FBXW8: variants seen among roughly 807,000 people sequenced by gnomAD.
FBXW8 encodes F-box/WD repeat-containing protein 8.
A neutral mutation model predicts 65.3 loss-of-function variants in FBXW8; 57 were observed. That is an observed-to-expected ratio of 0.87 (90% CI 0.71 to 1.09). The LOEUF is 1.09. Among genes scored for constraint, FBXW8 ranks in the 50% least tolerant of loss-of-function variants. FBXW8 has a pLI of 0.00. For synonymous variants in FBXW8, 308 were observed against 330.2 expected (o/e 0.93, Z 0.73); for missense variants, 777 against 814.8 (o/e 0.95, Z 0.57).
chr12:117,008,023 T>G (rs1953720487), intron 7 of FBXW8, among the ~76,000 whole-genome samples: 1 of 152,214 alleles, frequency 6.6e-6, no homozygotes, highest in Non-Finnish European at 1.5e-5. Flanking sequence ...GACTACTAAC[T>G]TAGATGTCTT....
At chr12:116,952,516 C>A (rs1209910698) in intron 4 of FBXW8, among the ~76,000 whole-genome samples, 1 of 152,168 alleles carries the variant, frequency 6.6e-6, no homozygotes, top group African/African-American at 2.4e-5. Context: ...TGTCTCCTCC[C>A]AGAGATTTCT....
At chr12:117,027,542 G>A (rs1954262743) in intron 10 of FBXW8, 38 bp downstream of exon 10, 2 of 1,517,122 alleles carry the variant, frequency 1.3e-6, no homozygotes, top group Admixed American at 1.7e-5. Context: ...GACCATCTTA[G>A]TTTGACTGAT....
intron 1 of FBXW8, among the ~76,000 whole-genome samples, chr12:116,927,735 A>G (rs180950846): frequency 5.3e-5 from 8 of 152,324 alleles, no homozygotes; most frequent in African/African-American, 1.7e-4. Context: ...GCTGGAAGAT[A>G]GCACCCCTGC....
chr12:116,920,389 C>T (rs1157689642), intron 1 of FBXW8, among the ~76,000 whole-genome samples: 2 of 152,190 alleles, frequency 1.3e-5, no homozygotes, highest in Non-Finnish European at 2.9e-5. Flanking sequence ...CTGTTCCAGG[C>T]ACTGAGAATA....
At chr12:117,016,499 T>TA (rs1350226228) in intron 8 of FBXW8, among the ~76,000 whole-genome samples, 1 of 152,190 alleles carries the variant, frequency 6.6e-6, no homozygotes, top group Non-Finnish European at 1.5e-5. Context: ...AGTATTTTTT[T>TA]AATATAGCCC....
At chr12:116,965,889 G>C (rs561935783) in intron 5 of FBXW8, among the ~76,000 whole-genome samples, 1 of 151,070 alleles carries the variant, frequency 6.6e-6, no homozygotes, top group African/African-American at 2.4e-5. Context: ...CTCCTGAGTA[G>C]CTGGGACTAC....
intron 8 of FBXW8, among the ~76,000 whole-genome samples, chr12:117,017,587 T>C (rs181111889): frequency 2.0e-3 from 310 of 152,330 alleles, no homozygotes; most frequent in Admixed American, 3.5e-3. Flanking sequence ...AAATCCTCTT[T>C]AATATTTAAT....
chr12:117,005,226 T>C (rs1342157235), intron 7 of FBXW8, among the ~76,000 whole-genome samples: 3 of 152,182 alleles, frequency 2.0e-5, no homozygotes, highest in African/African-American at 7.2e-5. Context: ...AAGCAACATC[T>C]GAGTATCTTT....
chr12:116,988,550 C>T (rs1191254259), intron 6 of FBXW8, 113 bp from the exon 7 acceptor site: 1 of 872,632 alleles, frequency 1.1e-6, no homozygotes, highest in Non-Finnish European at 1.9e-6. Flanking sequence ...TTTCATTTGC[C>T]CATCTTTTTC....
intron 6 of FBXW8, among the ~76,000 whole-genome samples, chr12:116,988,045 G>C (rs962212366): frequency 5.3e-5 from 8 of 152,156 alleles, no homozygotes; most frequent in Non-Finnish European, 1.0e-4. Context: ...TTCCCTCTAG[G>C]ACTGCATGGT....
chr12:116,965,810 G>A (rs1884284210), intron 5 of FBXW8, among the ~76,000 whole-genome samples: 2 of 152,238 alleles, frequency 1.3e-5, no homozygotes, highest in Admixed American at 6.5e-5. Flanking sequence ...CCTGGCTAGA[G>A]TGCAGTGGCA....
At chr12:116,913,320 T>C (rs1419617834) in intron 1 of FBXW8, among the ~76,000 whole-genome samples, 1 of 152,208 alleles carries the variant, frequency 6.6e-6, no homozygotes, top group African/African-American at 2.4e-5. Context: ...ACAGTTGACC[T>C]TTGAACAACC....
chr12:117,019,643 T>C (rs895736607), intron 8 of FBXW8, among the ~76,000 whole-genome samples: 1 of 152,172 alleles, frequency 6.6e-6, no homozygotes, highest in Non-Finnish European at 1.5e-5. Flanking sequence ...ACCGAACATA[T>C]GTATGGGAGT....
At chr12:117,000,824 G>T (rs1210701721) in intron 7 of FBXW8, among the ~76,000 whole-genome samples, 3 of 152,250 alleles carry the variant, frequency 2.0e-5, no homozygotes, top group Non-Finnish European at 4.4e-5. Flanking sequence ...GCATGTAAGA[G>T]AATATTATAA....
chr12:116,911,159 T>C lies in FBXW8; in HGVS notation c.122T>C (p.Val41Ala), dbSNP rs1038239071. The C allele has an allele frequency of 1.5e-6, 2 of 1,335,814 alleles. No individual in the cohort carries two copies. Among genetic ancestry groups the C allele is most frequent in the Admixed American group, 4.1e-5 (1 of 24,186 alleles). The allele number at this position is 1,335,814 out of a possible 1,614,324, so 82.7% of individuals were successfully genotyped here. The change falls in exon 1 of 11, where the codon GTG becomes GCG. Residue 41 changes from valine (V) to alanine (A), a missense_variant. Physicochemically the swap from Val to Ala is moderately conservative, Grantham distance 64. Transcript: ENST00000652555. The stretch of plus-strand genomic sequence containing the variant: ...GAGAGGCGGGCTCGGCGGCCGGAGG[T>C]GGGCTCCGGGCGCGGCGAACAGGCC... ...AAERRARRPE[V>A]GSGRGEQASG...
In FBXW8 at chr12:116,911,153, C is replaced by A; in HGVS notation, c.116C>A (p.Pro39Gln). ...GCTGCCGAGAGGCGGGCTCGGCGGC[C>A]GGAGGTGGGCTCCGGGCGCGGCGAA... ...PEAAERRARR[P>Q]EVGSGRGEQA... Residue 39 changes from proline to glutamine, a missense_variant, in exon 1 of 11, where the codon CCG becomes CAG. Coordinates refer to ENST00000652555, the MANE Select transcript of FBXW8 (RefSeq NM_153348.3). 7.5e-7 allele frequency: 1 copy of A among 1,341,022 alleles called. No individual in the cohort carries two copies. 83.1% of individuals were successfully genotyped at this position (1,341,022 alleles called of 1,614,324 possible). A position where few individuals can be genotyped will look rare whatever the true frequency, so the allele number is the denominator to read the frequency against.
intron 1 of FBXW8, among the ~76,000 whole-genome samples, chr12:116,920,109 C>G (rs117051452): frequency 6.6e-6 from 1 of 152,228 alleles, no homozygotes; most frequent in Non-Finnish European, 1.5e-5. Flanking sequence ...TGAGTTCTGT[C>G]TCCTGTGTTA....
At chr12:116,921,822 CTTTTTTTT>C (rs11449832) in intron 1 of FBXW8, among the ~76,000 whole-genome samples, 2 of 99,346 alleles carry the variant, frequency 2.0e-5, no homozygotes, top group African/African-American at 8.0e-5. Context: ...GTATTTCTGA[CTTTTTTTT>C]TTTTTTTTTT....
chr12:116,938,287 A>G (rs1362779305), intron 2 of FBXW8, among the ~76,000 whole-genome samples: 1 of 152,198 alleles, frequency 6.6e-6, no homozygotes, highest in African/African-American at 2.4e-5. Flanking sequence ...AATTGTGGAT[A>G]CAATCCTGAT....
Sources: gnomAD v4.1 joint callset for allele counts (sites outside exome capture counted in the v4.1 genomes callset) on GRCh38, gnomAD v4.1.1 for gene constraint, MANE v1.5 for transcripts, NCBI Gene and HGNC (gene_info 2026-07-23, HGNC 2026-07-21) for gene names.